Variants in FBH1 observed in about 807,000 individuals in gnomAD.
The protein encoded by FBH1 is DNA 3'-5' helicase 1.
FBH1 carries 43 observed loss-of-function variants against 115.5 expected under a neutral mutation model. The ratio of observed to expected loss-of-function variants is 0.37; its 90% CI spans 0.29 to 0.48. The LOEUF is 0.48. Among genes scored for constraint, FBH1 ranks in the 20% least tolerant of loss-of-function variants. The pLI is 0.99. For missense variants in FBH1, 1,001 were observed against 1,337.3 expected (o/e 0.75, Z 3.92); for synonymous variants, 524 against 507.8 (o/e 1.03, Z -0.43).
Position 5,900,748 on chromosome 10 carries a change from G to A in FBH1, c.2-2272G>A, listed in dbSNP as rs34825212. 0.094 allele frequency among the ~76,000 whole-genome samples: 14,269 copies of A among 152,220 alleles called. 895 individuals are homozygous for A. Among genetic ancestry groups the A allele is most frequent in the Non-Finnish European group, 0.14 (9,413 of 68,008 alleles). On this transcript the variant is annotated intron_variant, in intron 1 of 20. Transcript: ENST00000362091. The surrounding 1 kb of genome is among the most constrained non-coding windows in gnomAD (Gnocchi z 4.2). ...TAGGGAGGAATAATGAAAAAATATT[G>A]TAAACTATATCAGCTAAATCACTGG... is the stretch of plus-strand genomic sequence containing the variant.
intron 13 of FBH1, among the ~76,000 whole-genome samples, chr10:5,920,686 A>T (rs1036297032): frequency 6.6e-6 from 1 of 152,214 alleles, no homozygotes; most frequent in Non-Finnish European, 1.5e-5. Context: ...ACCAAAGCAC[A>T]TGAAGTTGTG....
rs1832556792 is a variant in FBH1, at chr10:5,925,038, C to G, written c.2597-329C>G. 6.6e-6 allele frequency among the ~76,000 whole-genome samples: 1 copy of G among 152,182 alleles called. No homozygotes were observed. Among genetic ancestry groups the G allele is most frequent in the South Asian group, 2.1e-4 (1 of 4,818 alleles). ...CAGCTCTGCCACGTGTAATGTCAGG[C>G]AAGCTGTGCAGCCCTCTTCTGGGCT... On this transcript the variant is annotated intron_variant, in intron 17 of 20. Coordinates refer to ENST00000362091, the MANE Select transcript of FBH1 (RefSeq NM_178150.3). This position sits in a 1 kb window ranked among gnomAD's most constrained non-coding sequence, Gnocchi z 4.6.
At position 5,900,523 on chromosome 10, in the gene FBH1, C is replaced by G. The variant is rs1456074439; in HGVS notation, c.2-2497C>G. 6.6e-6 allele frequency among the ~76,000 whole-genome samples: 1 copy of G among 152,238 alleles called. No homozygotes were observed. Among genetic ancestry groups the G allele is most frequent in the Non-Finnish European group, 1.5e-5 (1 of 68,042 alleles). On this transcript the variant is annotated intron_variant, in intron 1 of 20. Coordinates refer to ENST00000362091, the MANE Select transcript of FBH1 (RefSeq NM_178150.3). The surrounding 1 kb of genome is among the most constrained non-coding windows in gnomAD (Gnocchi z 4.2). ...TCTGTGATTGCTGAGGCCTGGCGCT[C>G]ATGGGGTTGCACCCAGCTTCTGAGT... is the stretch of plus-strand genomic sequence containing the variant.
In FBH1 at chr10:5,897,606, A is replaced by G. The variant is rs868511620; in HGVS notation, c.2-5414A>G. 2.1e-4 allele frequency among the ~76,000 whole-genome samples: 32 copies of G among 152,188 alleles called. No homozygotes were observed. Among genetic ancestry groups the G allele is most frequent in the African/African-American group, 7.5e-4 (31 of 41,450 alleles). ...AAGTACCAGCTCTCCCGCCAGCCAA[A>G]CTATGGCTGGTAACGCCATTCCAGT... On this transcript the variant is annotated intron_variant, in intron 1 of 20. Coordinates refer to ENST00000362091, the MANE Select transcript of FBH1 (RefSeq NM_178150.3). The surrounding 1 kb of genome is among the most constrained non-coding windows in gnomAD (Gnocchi z 4.7).
chr10:5,923,482 A>G lies in FBH1; in HGVS notation c.2323-139A>G, dbSNP rs1832430964. 1.5e-6 allele frequency: 1 copy of G among 667,916 alleles called. No individual in the cohort carries two copies. The highest frequency in any genetic ancestry group is 2.9e-5 in the East Asian group (1 of 34,910). 41.4% of individuals were successfully genotyped at this position (667,916 alleles called of 1,614,324 possible). ...GCCGCCTGTGCTTTGGGTGTCACTC[A>G]AGATCCATTTCCAAGAAACCATCTC... On this transcript the variant is annotated intron_variant, in intron 15 of 20. Transcript: ENST00000362091. This position sits in a 1 kb window ranked among gnomAD's most constrained non-coding sequence, Gnocchi z 5.7.
chr10:5,936,376 A>G lies in FBH1; in HGVS notation c.2830-80A>G. 1.3e-6 allele frequency: 2 copies of G among 1,538,834 alleles called. No individual in the cohort carries two copies. The highest frequency in any genetic ancestry group is 1.8e-6 in the Non-Finnish European group (2 of 1,129,390). ...TACAGTGCATCTAAAGGGTTCTCAC[A>G]GAGCCGCCGCTATCAGTGTTTCCAG... On this transcript the variant is annotated intron_variant, in intron 19 of 20. Transcript: ENST00000362091. This position sits in a 1 kb window ranked among gnomAD's most constrained non-coding sequence, Gnocchi z 5.6.
At position 5,895,175 on chromosome 10, in the gene FBH1, G is replaced by A. The variant is rs1842940765; in HGVS notation, c.1+4829G>A. ...GAGTGCCCACTTGCTGGTCTTCACA[G>A]AGCACGCTGAAAGTAAGAGGCATGT... On this transcript the variant is annotated intron_variant, in intron 1 of 20. Transcript: ENST00000362091. The surrounding 1 kb of genome is among the most constrained non-coding windows in gnomAD (Gnocchi z 5.0). The A allele has an allele frequency of 1.2e-6, 2 of 1,613,002 alleles. No individual in the cohort carries two copies. Among genetic ancestry groups the A allele is most frequent in the African/African-American group, 2.7e-5 (2 of 74,912 alleles).
In FBH1 at chr10:5,906,169, C is replaced by T. The variant is rs1451814987; in HGVS notation, c.290C>T (p.Ala97Val). The T allele has an allele frequency of 1.9e-6, 3 of 1,614,182 alleles. No homozygotes were observed. Among genetic ancestry groups the T allele is most frequent in the East Asian group, 2.2e-5 (1 of 44,886 alleles). ...QDSEGDMIFP[A>V]ESSCALPQEG... ...TCTGAGGGTGACATGATCTTTCCTG[C>T]AGAGAGCAGCTGTGCACTGCCTCAG... is the stretch of plus-strand genomic sequence containing the variant. Residue 97 changes from alanine to valine, a missense_variant, in exon 3 of 21, where the codon GCA becomes GTA. By Grantham distance (64) the Ala-to-Val change is moderately conservative. Around this residue, in one of 4 missense-constraint regions of FBH1, gnomAD observed 420 missense variants for 430.4 expected, o/e 0.98. Coordinates refer to ENST00000362091, the MANE Select transcript of FBH1 (RefSeq NM_178150.3). The surrounding 1 kb of genome is among the most constrained non-coding windows in gnomAD (Gnocchi z 7.3).
intron 1 of FBH1, among the ~76,000 whole-genome samples, chr10:5,892,330 C>T (rs949795139): frequency 3.3e-5 from 5 of 152,136 alleles, no homozygotes; most frequent in African/African-American, 9.7e-5. Flanking sequence ...GATCATTTGA[C>T]AGGTTTCGTG....
chr10:5,905,475 A>C (rs1198015312), intron 2 of FBH1, among the ~76,000 whole-genome samples: 1 of 152,206 alleles, frequency 6.6e-6, no homozygotes, highest in African/African-American at 2.4e-5. Flanking sequence ...CCAAGATCAC[A>C]CCACTGCACT....
chr10:5,927,957 A>G (rs879819180), intron 19 of FBH1, among the ~76,000 whole-genome samples: 19 of 151,274 alleles, frequency 1.3e-4, no homozygotes, highest in Non-Finnish European at 2.8e-4. Flanking sequence ...CTGTAATTCC[A>G]GCTACTCGGG....
At position 5,890,457 on chromosome 10, in the gene FBH1, G is replaced by A. The variant is rs1842637431; in HGVS notation, c.1+111G>A. The A allele has an allele frequency of 5.2e-5, 17 of 329,546 alleles. No individual in the cohort carries two copies. In the South Asian group the frequency reaches 1.7e-3, roughly 33 times the overall value. The allele number at this position is 329,546 out of a possible 1,614,324, so 20.4% of individuals were successfully genotyped here. On this transcript the variant is annotated intron_variant, in intron 1 of 20. Transcript: ENST00000362091. ...TCCGGGCCCGGGGTGGGGCAGCGGGGGCCCCGGGGGCGCGAGGCTGGGCTC... is the reference window on the plus strand; with the variant it reads ...TCCGGGCCCGGGGTGGGGCAGCGGGAGCCCCGGGGGCGCGAGGCTGGGCTC...
intron 18 of FBH1, among the ~76,000 whole-genome samples, chr10:5,926,992 C>T (rs1832693222): frequency 6.6e-6 from 1 of 152,182 alleles, no homozygotes; most frequent in African/African-American, 2.4e-5. Context: ...AGTCCAGAGA[C>T]AGTGTAAGGA....
rs761639682 is a variant in FBH1 at position 5,935,218 on chromosome 10, C to T, written c.2830-1238C>T. 6.6e-6 allele frequency: 1 copy of T among 152,118 alleles called. No individual in the cohort carries two copies. Among genetic ancestry groups the T allele is most frequent in the Non-Finnish European group, 1.5e-5 (1 of 68,040 alleles). The allele number at this position is 152,118 out of a possible 1,614,324, so 9.4% of individuals were successfully genotyped here. Reference sequence around the variant, plus strand: ...GAAACTTCTGGAGTGGACAGGGAGTCAGGTACAGGATGTTCATTGCTGCAT... The same window carrying T: ...GAAACTTCTGGAGTGGACAGGGAGTTAGGTACAGGATGTTCATTGCTGCAT... On this transcript the variant is annotated intron_variant, in intron 19 of 20. Coordinates refer to ENST00000362091, the MANE Select transcript of FBH1 (RefSeq NM_178150.3). This position sits in a 1 kb window ranked among gnomAD's most constrained non-coding sequence, Gnocchi z 5.2.
chr10:5,927,404 A>C (rs1337845647), intron 18 of FBH1, 31 bp from the exon 19 acceptor site: 1 of 1,515,370 alleles, frequency 6.6e-7, no homozygotes, highest in Non-Finnish European at 9.1e-7. Flanking sequence ...AAGGCTTTTT[A>C]GTTGATTTTT....
intron 19 of FBH1, chr10:5,928,501 G>C (rs575085477): frequency 6.6e-6 from 1 of 152,166 alleles, no homozygotes; most frequent in African/African-American, 2.4e-5. Context: ...TGTGCACCCA[G>C]CCTTCCTCCC....
At chr10:5,892,205 G>A (rs1454781618) in intron 1 of FBH1, among the ~76,000 whole-genome samples, 1 of 152,098 alleles carries the variant, frequency 6.6e-6, no homozygotes, top group Non-Finnish European at 1.5e-5. Context: ...TTGTGGTCTG[G>A]CCTTTACAGT....
intron 19 of FBH1, among the ~76,000 whole-genome samples, chr10:5,928,095 A>T (rs796605698): frequency 8.4e-4 from 126 of 150,602 alleles, no homozygotes; most frequent in Middle Eastern, 3.4e-3. Flanking sequence ...AAAAAAAAAA[A>T]AGATACCAGC....
At chr10:5,903,477 C>T (rs541509918) in intron 2 of FBH1, among the ~76,000 whole-genome samples, 15 of 139,318 alleles carry the variant, frequency 1.1e-4, no homozygotes, top group South Asian at 2.3e-4. Context: ...ATTGCAGGTG[C>T]GTGCCACCAC....
Sources: gnomAD v4.1 joint callset for allele counts (sites outside exome capture counted in the v4.1 genomes callset) on GRCh38, gnomAD v4.1.1 for gene constraint, gnomAD v4.1.1 regional missense constraint, Gnocchi (gnomAD v3.1) non-coding constraint, MANE v1.5 for transcripts, NCBI Gene and HGNC (gene_info 2026-07-23, HGNC 2026-07-21) for gene names.